RYR2: variants seen among roughly 807,000 people sequenced by gnomAD.
RYR2 encodes ryanodine receptor 2, also known as cardiac muscle ryanodine receptor-calcium release channel.
A neutral mutation model predicts 601.1 loss-of-function variants in RYR2; 227 were observed. The observed-to-expected ratio is 0.38, with a 90% CI of 0.34 to 0.42. RYR2 has a LOEUF of 0.42. Ranked by LOEUF, RYR2 falls within the 10% of genes least tolerant of loss-of-function variation. The pLI is 1.00. For synonymous variants in RYR2, 2,223 were observed against 2,175.1 expected (o/e 1.02, Z -0.61); for missense variants, 4,646 against 6,156.5 (o/e 0.75, Z 8.21).
At chr1:237,093,695 A>G (rs981615899) in intron 1 of RYR2, among the ~76,000 whole-genome samples, 1 of 152,158 alleles carries the variant, frequency 6.6e-6, no homozygotes, top group African/African-American at 2.4e-5. Context: ...ACCCTTAGAA[A>G]TTGGATCTTA....
Position 237,194,090 on chromosome 1 carries a change from C to A in RYR2, c.49-76407C>A, listed in dbSNP as rs548036428. Among the ~76,000 whole-genome samples, 4 of 152,318 alleles carry A rather than the reference C, an allele frequency of 2.6e-5. No individual in the cohort carries two copies. In the South Asian group the frequency reaches 6.2e-4, roughly 24 times the overall value. On this transcript the variant is annotated intron_variant, in intron 1 of 104. Coordinates refer to ENST00000366574, the MANE Select transcript of RYR2 (RefSeq NM_001035.3). Reference sequence around the variant, plus strand: ...CTTGGAAATAAATGTCTTTTCCCTGCATTCTAAATATTTCCTTTGCATAAA... The same window carrying A: ...CTTGGAAATAAATGTCTTTTCCCTGAATTCTAAATATTTCCTTTGCATAAA...
At chr1:237,667,182 T>G (rs905911264) in intron 57 of RYR2, among the ~76,000 whole-genome samples, 2 of 152,202 alleles carry the variant, frequency 1.3e-5, no homozygotes, top group Admixed American at 1.3e-4. Flanking sequence ...AAGATAAAAT[T>G]TATTGCCTTG....
At chr1:237,758,941 G>A (rs915476947) in intron 82 of RYR2, among the ~76,000 whole-genome samples, 1 of 152,094 alleles carries the variant, frequency 6.6e-6, no homozygotes, top group Non-Finnish European at 1.5e-5. Context: ...GATTCTGGAC[G>A]TCATTCTGAG....
chr1:237,268,983 C>A (rs1572418746), intron 1 of RYR2, among the ~76,000 whole-genome samples: 1 of 125,684 alleles, frequency 8.0e-6, no homozygotes, highest in Admixed American at 8.1e-5. Flanking sequence ...CAAATAAAAG[C>A]ATTACCAGGA....
At chr1:237,331,704 C>T (rs769269945) in intron 3 of RYR2, among the ~76,000 whole-genome samples, 111 of 150,018 alleles carry the variant, frequency 7.4e-4, no homozygotes, top group Middle Eastern at 3.4e-3. Context: ...TTAGTAGAGA[C>T]GGGGTTTCAC....
At chr1:237,570,107 A>G (rs371160610) in intron 29 of RYR2, among the ~76,000 whole-genome samples, 21 of 151,592 alleles carry the variant, frequency 1.4e-4, no homozygotes, top group African/African-American at 4.6e-4. Context: ...AATCCCAGCT[A>G]TTTGAGAGGC....
rs190884873 is a variant in RYR2, at chr1:237,589,929, G to A, written c.3735G>A (p.Arg1245=). ...GYEPFAVNTN[R]DITMWLSKRL... ...AACCATTTGCCGTTAATACAAACAGGGATATTACCATGTGGCTGAGCAAGA... is the reference window on the plus strand; with the variant it reads ...AACCATTTGCCGTTAATACAAACAGAGATATTACCATGTGGCTGAGCAAGA... Residue 1245 remains arginine, a synonymous_variant, in exon 30 of 105, where the codon AGG becomes AGA. Coordinates refer to ENST00000366574, the MANE Select transcript of RYR2 (RefSeq NM_001035.3). 12 of 1,613,810 alleles carry A rather than the reference G, an allele frequency of 7.4e-6. No individual in the cohort carries two copies. The Admixed American group carries it at 1.5e-4, about 20-fold the overall frequency.
At chr1:237,688,088 A>G (rs1186826679) in intron 63 of RYR2, among the ~76,000 whole-genome samples, 1 of 152,134 alleles carries the variant, frequency 6.6e-6, no homozygotes, top group Non-Finnish European at 1.5e-5. Flanking sequence ...CATGTTCCAG[A>G]GCACCTGCTT....
Position 237,180,094 on chromosome 1 carries a change from C to T in RYR2, c.49-90403C>T, listed in dbSNP as rs1243645297. Among the ~76,000 whole-genome samples the T allele has an allele frequency of 1.3e-5, 2 of 151,950 alleles. No individual in the cohort carries two copies. The highest frequency in any genetic ancestry group is 2.9e-5 in the Non-Finnish European group (2 of 68,032). ...ACTTACTGAGCCATGTCCGTGTCGT[C>T]CTGTTGGTAAGGGCTGTTCAGGATC... is the stretch of plus-strand genomic sequence containing the variant. On this transcript the variant is annotated intron_variant, in intron 1 of 104. Coordinates refer to ENST00000366574, the MANE Select transcript of RYR2 (RefSeq NM_001035.3). The surrounding 1 kb of genome is among the most constrained non-coding windows in gnomAD (Gnocchi z 5.3).
chr1:237,686,341 A>T (rs1686391775), intron 62 of RYR2, among the ~76,000 whole-genome samples: 1 of 151,934 alleles, frequency 6.6e-6, no homozygotes, highest in South Asian at 2.1e-4. Context: ...AAATAATGTC[A>T]CTTGTATTGG....
At position 237,702,066 on chromosome 1, in the gene RYR2, A is replaced by G; in HGVS notation, c.9449+7A>G. The G allele has an allele frequency of 1.3e-6, 2 of 1,530,594 alleles. No individual in the cohort carries two copies. Among genetic ancestry groups the G allele is most frequent in the Non-Finnish European group, 1.8e-6 (2 of 1,105,534 alleles). 94.8% of individuals were successfully genotyped at this position (1,530,594 alleles called of 1,614,324 possible). On this transcript the variant is annotated splice_region_variant and intron_variant, in intron 66 of 104. Transcript: ENST00000366574. ...AGAGTATTTACGTGGAGAGGTAAGA[A>G]TGTTTAAAGTTTAACTTTGTATTAA... is the stretch of plus-strand genomic sequence containing the variant.
chr1:237,763,194 G>T (rs745644788), intron 84 of RYR2, among the ~76,000 whole-genome samples: 5 of 152,302 alleles, frequency 3.3e-5, no homozygotes, highest in Non-Finnish European at 7.4e-5. Context: ...GATTGGTTTT[G>T]TTGCTTTTCA....
At chr1:237,102,287 G>GAT (rs1668191161) in intron 1 of RYR2, among the ~76,000 whole-genome samples, 1 of 152,172 alleles carries the variant, frequency 6.6e-6, no homozygotes, top group South Asian at 2.1e-4. Flanking sequence ...TTACAGGCGA[G>GAT]GTGCTGGTGA....
chr1:237,566,831 CT>C, intron 28 of RYR2, 56 bp downstream of exon 28: 1 of 1,547,440 alleles, frequency 6.5e-7, no homozygotes, highest in Non-Finnish European at 8.9e-7. Context: ...CTCATCTCCT[CT>C]GCTGTTCCTC....
intron 53 of RYR2, among the ~76,000 whole-genome samples, chr1:237,656,834 G>T (rs908340581): frequency 3.9e-5 from 6 of 152,098 alleles, no homozygotes; most frequent in Non-Finnish European, 7.3e-5. Context: ...CCTTAAATTT[G>T]CATGTTTGGT....
At chr1:237,495,297 A>C (rs117051088) in intron 19 of RYR2, among the ~76,000 whole-genome samples, 1,604 of 152,254 alleles carry the variant, frequency 0.011, 31 homozygotes, top group East Asian at 0.069. Flanking sequence ...TGGATGCTCA[A>C]ATTTTCTCTC....
Position 237,096,871 on chromosome 1 carries a change from C to T in RYR2, c.48+54302C>T, listed in dbSNP as rs566984527. On this transcript the variant is annotated intron_variant, in intron 1 of 104. Transcript: ENST00000366574. ...TGTGGGTGTGTCCAGGAGAGCTTGC[C>T]TCCTAAATTGTATTGAATTAGAAAT... Among the ~76,000 whole-genome samples the T allele has an allele frequency of 3.3e-5, 5 of 152,238 alleles. No individual in the cohort carries two copies. In the South Asian group the frequency reaches 1.0e-3, roughly 32 times the overall value.
chr1:237,605,550 T>C (rs1266743271), intron 35 of RYR2, among the ~76,000 whole-genome samples: 1 of 152,178 alleles, frequency 6.6e-6, no homozygotes, highest in Non-Finnish European at 1.5e-5. Context: ...CAACATAGTG[T>C]TGAAAGTTCT....
intron 98 of RYR2, among the ~76,000 whole-genome samples, chr1:237,805,440 G>A (rs148660379): frequency 0.014 from 2,178 of 151,994 alleles, 60 homozygotes; most frequent in African/African-American, 0.05. Context: ...AATTAGCCGG[G>A]CGTGGTGGCG....
Sources: gnomAD v4.1 joint callset for allele counts (sites outside exome capture counted in the v4.1 genomes callset) on GRCh38, gnomAD v4.1.1 for gene constraint, Gnocchi (gnomAD v3.1) non-coding constraint, MANE v1.5 for transcripts, NCBI Gene and HGNC (gene_info 2026-07-23, HGNC 2026-07-21) for gene names.